The following TSNARE1 variants were observed in gnomAD, a reference collection of about 807,000 sequenced individuals.
TSNARE1 encodes the protein t-SNARE domain containing 1, also known as t-SNARE domain-containing protein 1.
Under a neutral mutation model 62.0 loss-of-function variants are expected in TSNARE1, and 49 were observed. The observed-to-expected ratio is 0.79, with a 90% CI of 0.63 to 1.00. The LOEUF (loss-of-function observed/expected upper bound fraction) is 1.00. Among genes scored for constraint, TSNARE1 ranks in the 50% least tolerant of loss-of-function variants. The pLI, the probability that TSNARE1 is intolerant of heterozygous loss-of-function variation, is 0.00. For missense variants in TSNARE1, 755 were observed against 700.1 expected (o/e 1.08, Z -0.88); for synonymous variants, 328 against 294.4 (o/e 1.11, Z -1.17).
At chr8:142,403,618 C>G (rs1356247130), upstream of TSNARE1, 1 of 152,232 alleles carries the variant, frequency 6.6e-6, no homozygotes, top group African/African-American at 2.4e-5. Flanking sequence ...GGCGTTGGGC[C>G]CCAAGTCAGG....
At chr8:142,290,743 G>T (rs1307117024) in intron 10 of TSNARE1, among the ~76,000 whole-genome samples, 2 of 152,254 alleles carry the variant, frequency 1.3e-5, no homozygotes. Flanking sequence ...CACAGGGCAG[G>T]TCTGCTGGGC....
At chr8:142,310,067 C>T (rs1827325005) in intron 9 of TSNARE1, among the ~76,000 whole-genome samples, 1 of 151,898 alleles carries the variant, frequency 6.6e-6, no homozygotes, top group Non-Finnish European at 1.5e-5. Flanking sequence ...ATGATCTATC[C>T]ATTTTCATTC....
chr8:142,363,271 T>A (rs1288911085), intron 1 of TSNARE1, among the ~76,000 whole-genome samples: 1 of 152,150 alleles, frequency 6.6e-6, no homozygotes, highest in Non-Finnish European at 1.5e-5. Flanking sequence ...GTTTCCTGGT[T>A]CCTCTAGCTC....
chr8:142,303,634 C>T lies in TSNARE1; in HGVS notation c.1132-2990G>A, dbSNP rs1209413889. ...CAACCAAATACAGACAGATGAACCC[C>T]GGCTGGACACCGAACCAGTGGATCT... On this transcript the variant is annotated intron_variant, in intron 9 of 13. Coordinates refer to ENST00000524325, the MANE Select transcript of TSNARE1 (RefSeq NM_145003.5). Among the ~76,000 whole-genome samples, 6 of 152,212 alleles carry T rather than the reference C, an allele frequency of 3.9e-5. No individual in the cohort carries two copies. In the South Asian group the frequency reaches 6.2e-4, roughly 16 times the overall value.
chr8:142,255,230 T>G (rs1226954790), intron 12 of TSNARE1, among the ~76,000 whole-genome samples: 2 of 151,970 alleles, frequency 1.3e-5, no homozygotes, highest in Non-Finnish European at 2.9e-5. Context: ...CAGTGCCCTA[T>G]GCAGTGCCTA....
At chr8:142,315,169 C>T in intron 7 of TSNARE1, 77 bp from the exon 8 acceptor site, 5 of 1,444,084 alleles carry the variant, frequency 3.5e-6, no homozygotes, top group Non-Finnish European at 4.8e-6. Flanking sequence ...ACACCTCCTC[C>T]CGTACCGATG....
At chr8:142,277,612 CT>C in intron 11 of TSNARE1, 1 of 985,448 alleles carries the variant, frequency 1.0e-6, no homozygotes, top group Non-Finnish European at 1.2e-6. Flanking sequence ...AAGTCTGGCC[CT>C]GTCCTAAGCA....
At chr8:142,219,585 C>G (rs1354869876) in intron 13 of TSNARE1, among the ~76,000 whole-genome samples, 2 of 152,226 alleles carry the variant, frequency 1.3e-5, no homozygotes, top group African/African-American at 4.8e-5. Context: ...CTGACCGACA[C>G]GTGGCCCTGC....
chr8:142,340,430 C>G (rs1832421014), intron 4 of TSNARE1, among the ~76,000 whole-genome samples: 1 of 152,152 alleles, frequency 6.6e-6, no homozygotes, highest in East Asian at 1.9e-4. Context: ...GCTGCCAGGG[C>G]TGGGGGAGCT....
At chr8:142,263,020 T>C (rs1180928996) in intron 12 of TSNARE1, among the ~76,000 whole-genome samples, 4 of 152,358 alleles carry the variant, frequency 2.6e-5, no homozygotes, top group Non-Finnish European at 1.5e-5. Context: ...TAAAGACAGT[T>C]GTGTTTCCTC....
At chr8:142,393,485 A>C (rs562627316) in intron 1 of TSNARE1, among the ~76,000 whole-genome samples, 1 of 152,258 alleles carries the variant, frequency 6.6e-6, no homozygotes, top group African/African-American at 2.4e-5. Flanking sequence ...CCACGGGGAA[A>C]ACTGGGTGAA....
chr8:142,275,076 T>C (rs1377299381), intron 11 of TSNARE1: 8 of 984,828 alleles, frequency 8.1e-6, no homozygotes, highest in Non-Finnish European at 9.6e-6. Flanking sequence ...GGCCTGGAGG[T>C]GGCCCAGGGA....
chr8:142,259,497 G>A (rs1355351756), intron 12 of TSNARE1, among the ~76,000 whole-genome samples: 3 of 152,142 alleles, frequency 2.0e-5, no homozygotes, highest in African/African-American at 7.2e-5. Context: ...ACATTTCTCA[G>A]CAGACTGGGG....
At chr8:142,376,385 C>G (rs1015855619) in intron 1 of TSNARE1, among the ~76,000 whole-genome samples, 1 of 152,196 alleles carries the variant, frequency 6.6e-6, no homozygotes, top group African/African-American at 2.4e-5. Flanking sequence ...AAGGCGATGG[C>G]GTTAGCAGGT....
At chr8:142,218,612 A>G (rs533286275) in intron 13 of TSNARE1, among the ~76,000 whole-genome samples, 1 of 152,328 alleles carries the variant, frequency 6.6e-6, no homozygotes, top group South Asian at 2.1e-4. Context: ...CCAAGCAGGC[A>G]TCTGCCCCTG....
At chr8:142,282,609 G>A (rs796854072) in intron 11 of TSNARE1, among the ~76,000 whole-genome samples, 4 of 95,444 alleles carry the variant, frequency 4.2e-5, no homozygotes, top group Non-Finnish European at 6.1e-5. Context: ...TGAGCAGAGG[G>A]GAGGCCACTG....
intron 13 of TSNARE1, among the ~76,000 whole-genome samples, chr8:142,224,997 T>G (rs1816706936): frequency 6.6e-6 from 1 of 152,132 alleles, no homozygotes; most frequent in Non-Finnish European, 1.5e-5. Flanking sequence ...CTGCTCCCAC[T>G]CCAGCAACAG....
rs1563751264 is a variant in TSNARE1, at chr8:142,218,056, C to T, written c.*12-5743G>A. On this transcript the variant is annotated intron_variant, in intron 13 of 13. Transcript: ENST00000524325. ...CCAGTATGTGACCAGGATCAGGGCT[C>T]AGAGTGTGAGCAGGATCAGGGTTCA... Among the ~76,000 whole-genome samples, 12 of 114,184 alleles carry T rather than the reference C, an allele frequency of 1.1e-4. 2 individuals are homozygous for T. The highest frequency in any genetic ancestry group is 1.7e-4 in the Admixed American group (2 of 11,858). 74.9% of individuals were successfully genotyped at this position (114,184 alleles called of 152,430 possible). A position where few individuals can be genotyped will look rare whatever the true frequency, so the allele number is the denominator to read the frequency against.
At chr8:142,223,171 CAAGTA>C (rs144327564) in intron 13 of TSNARE1, among the ~76,000 whole-genome samples, 13,353 of 33,142 alleles carry the variant, frequency 0.4, 3,764 homozygotes, top group African/African-American at 0.63. Context: ...CTCACTCACT[CAAGTA>C]TTCACTCATT....
Sources: gnomAD v4.1 joint callset for allele counts (sites outside exome capture counted in the v4.1 genomes callset) on GRCh38, gnomAD v4.1.1 for gene constraint, MANE v1.5 for transcripts, NCBI Gene and HGNC (gene_info 2026-07-23, HGNC 2026-07-21) for gene names.